Variants in DIAPH3 observed in about 807,000 individuals in gnomAD.
The protein encoded by DIAPH3 is diaphanous related formin 3.
A neutral mutation model predicts 144.3 loss-of-function variants in DIAPH3; 117 were observed. The observed-to-expected ratio is 0.81, with a 90% CI of 0.70 to 0.95. The LOEUF is 0.95. Among genes scored for constraint, DIAPH3 ranks in the 40% least tolerant of loss-of-function variants. The pLI, the probability that DIAPH3 is intolerant of heterozygous loss-of-function variation, is 0.00. For synonymous variants in DIAPH3, 519 were observed against 488.9 expected (o/e 1.06, Z -0.81); for missense variants, 1,421 against 1,412.7 (o/e 1.01, Z -0.09).
intron 18 of DIAPH3, among the ~76,000 whole-genome samples, chr13:59,922,930 A>T (rs527565907): frequency 6.6e-6 from 1 of 152,140 alleles, no homozygotes; most frequent in Non-Finnish European, 1.5e-5. Context: ...CAAAATGAGC[A>T]ATCTTATTGA....
At chr13:60,143,438 T>C (rs1951367424) in intron 1 of DIAPH3, among the ~76,000 whole-genome samples, 2 of 152,168 alleles carry the variant, frequency 1.3e-5, no homozygotes, top group Admixed American at 1.3e-4. Flanking sequence ...ACAAGCATCT[T>C]CCCCATAGGC....
chr13:59,875,394 G>C (rs1026260534), intron 21 of DIAPH3, among the ~76,000 whole-genome samples: 10 of 151,962 alleles, frequency 6.6e-5, no homozygotes, highest in Non-Finnish European at 1.3e-4. Context: ...TAAACTAGAA[G>C]TAGCATTACT....
At chr13:59,991,968 G>C in intron 11 of DIAPH3, 100 bp downstream of exon 11, 1 of 934,220 alleles carries the variant, frequency 1.1e-6, no homozygotes, top group Non-Finnish European at 1.8e-6. Flanking sequence ...TTGATTTCAT[G>C]TTGTTTATAT....
At chr13:59,870,898 G>A (rs1185880452) in intron 21 of DIAPH3, among the ~76,000 whole-genome samples, 3 of 151,320 alleles carry the variant, frequency 2.0e-5, no homozygotes, top group African/African-American at 4.9e-5. Flanking sequence ...TTGAACTCCC[G>A]ACCTCAGGTG....
intron 2 of DIAPH3, among the ~76,000 whole-genome samples, chr13:60,131,148 G>C (rs1446477669): frequency 6.6e-6 from 1 of 152,100 alleles, no homozygotes; most frequent in Non-Finnish European, 1.5e-5. Context: ...AAGTGAATGA[G>C]GCTGGTGCAG....
At chr13:60,076,160 T>C (rs1410962474) in intron 4 of DIAPH3, among the ~76,000 whole-genome samples, 1 of 152,178 alleles carries the variant, frequency 6.6e-6, no homozygotes, top group Non-Finnish European at 1.5e-5. Flanking sequence ...GCCTCTTGCC[T>C]TTAGAACCTA....
At chr13:59,989,836 G>T (rs1466474518) in intron 12 of DIAPH3, among the ~76,000 whole-genome samples, 2 of 151,800 alleles carry the variant, frequency 1.3e-5, no homozygotes, top group Non-Finnish European at 2.9e-5. Context: ...AGGACTACAG[G>T]CATGTTCAAA....
chr13:59,677,876 T>A (rs892397102), intron 27 of DIAPH3, among the ~76,000 whole-genome samples: 1 of 152,170 alleles, frequency 6.6e-6, no homozygotes, highest in Admixed American at 6.5e-5. Flanking sequence ...GGCTAAAGAT[T>A]AAAAATATAC....
intron 23 of DIAPH3, among the ~76,000 whole-genome samples, chr13:59,836,303 A>G (rs2042040178): frequency 6.6e-6 from 1 of 151,960 alleles, no homozygotes; most frequent in African/African-American, 2.4e-5. Flanking sequence ...TTTCTCACCG[A>G]TAAAAATTTA....
intron 4 of DIAPH3, among the ~76,000 whole-genome samples, chr13:60,088,101 G>A (rs1260632264): frequency 1.3e-5 from 2 of 152,150 alleles, no homozygotes; most frequent in Admixed American, 1.3e-4. Context: ...AACATGCTAA[G>A]AGGTAGCAGT....
intron 4 of DIAPH3, among the ~76,000 whole-genome samples, chr13:60,072,304 G>A (rs2800300): frequency 0.65 from 99,153 of 151,964 alleles, 32,995 homozygotes; most frequent in African/African-American, 0.74. Context: ...GCAGCTGGTC[G>A]TTGTCCTTTC....
intron 27 of DIAPH3, among the ~76,000 whole-genome samples, chr13:59,771,305 A>G (rs1247657152): frequency 6.6e-6 from 1 of 152,158 alleles, no homozygotes; most frequent in African/African-American, 2.4e-5. Flanking sequence ...TAGGCTTTGG[A>G]TATATATTTT....
At chr13:60,023,542 T>C (rs907038470) in intron 5 of DIAPH3, among the ~76,000 whole-genome samples, 1 of 151,980 alleles carries the variant, frequency 6.6e-6, no homozygotes, top group Non-Finnish European at 1.5e-5. Context: ...CAAGCAATTA[T>C]CCTGCCTTAG....
chr13:60,117,967 TACAA>T (rs1227175803), intron 2 of DIAPH3, among the ~76,000 whole-genome samples: 4 of 152,156 alleles, frequency 2.6e-5, no homozygotes, highest in African/African-American at 9.7e-5. Context: ...AGGTGAAGTA[TACAA>T]ACAATTTGCC....
At chr13:59,911,313 A>G (rs1226113555) in intron 20 of DIAPH3, among the ~76,000 whole-genome samples, 1 of 152,194 alleles carries the variant, frequency 6.6e-6, no homozygotes, top group Non-Finnish European at 1.5e-5. Flanking sequence ...TTGCCAAGAA[A>G]GATACTATAT....
chr13:60,061,894 G>T (rs188600122), intron 4 of DIAPH3, among the ~76,000 whole-genome samples: 3 of 152,050 alleles, frequency 2.0e-5, no homozygotes, highest in Middle Eastern at 3.4e-3. Context: ...TTCCAATCCA[G>T]CTATGCACAC....
chr13:59,666,296 G>A lies in DIAPH3; in HGVS notation c.*288C>T. ...CTGCTGAACACATGGCCACCTACCT[G>A]CTCTCTAAAGCAATATGTATAATTT... On this transcript the variant is annotated 3_prime_UTR_variant, in exon 28 of 28. Transcript: ENST00000400324. 3.1e-6 allele frequency: 1 copy of A among 324,982 alleles called. No homozygotes were observed. The highest frequency in any genetic ancestry group is 5.5e-6 in the Non-Finnish European group (1 of 182,908). The allele number at this position is 324,982 out of a possible 1,614,324, so 20.1% of individuals were successfully genotyped here.
At chr13:59,905,760 C>A (rs2046701874) in intron 20 of DIAPH3, among the ~76,000 whole-genome samples, 1 of 152,006 alleles carries the variant, frequency 6.6e-6, no homozygotes, top group Non-Finnish European at 1.5e-5. Flanking sequence ...GGTTGTGATG[C>A]CAAAAATAGA....
At chr13:59,753,594 A>G (rs1362906094) in intron 27 of DIAPH3, among the ~76,000 whole-genome samples, 1 of 152,176 alleles carries the variant, frequency 6.6e-6, no homozygotes, top group African/African-American at 2.4e-5. Context: ...TTAATTTTTG[A>G]TCATAATTAT....
Sources: allele counts gnomAD v4.1 joint callset (sites outside exome capture counted in the v4.1 genomes callset), GRCh38; gene constraint gnomAD v4.1.1; transcripts MANE v1.5; gene names NCBI Gene and HGNC (gene_info 2026-07-23, HGNC 2026-07-21).